The following PKN2 variants were observed in gnomAD, a reference collection of about 807,000 sequenced individuals.
PKN2 encodes serine/threonine-protein kinase N2.
A neutral mutation model predicts 119.1 loss-of-function variants in PKN2; 38 were observed. That is an observed-to-expected ratio of 0.32 (90% CI 0.25 to 0.42). The LOEUF (loss-of-function observed/expected upper bound fraction) is 0.42, where lower values mean the gene tolerates loss of function less well. PKN2 is among the 10% of genes least tolerant of loss of function. PKN2 has a pLI of 1.00. For missense variants in PKN2, 850 were observed against 1,165.1 expected (o/e 0.73, Z 3.94); for synonymous variants, 390 against 384.9 (o/e 1.01, Z -0.15).
rs1165525380 is a variant in PKN2 at position 88,805,918 on chromosome 1, T to C, written c.1704T>C (p.Phe568=). The C allele has an allele frequency of 1.7e-5, 28 of 1,613,974 alleles. No homozygotes were observed. Among genetic ancestry groups the C allele is most frequent in the Non-Finnish European group, 2.4e-5 (28 of 1,179,940 alleles). The change falls in exon 12 of 22, where the codon TTT becomes TTC. Residue 568 remains phenylalanine (F), a synonymous_variant. Coordinates refer to ENST00000370521, the MANE Select transcript of PKN2 (RefSeq NM_006256.4). The part of the protein sequence containing the change: ...ASDSTVTKLD[F]DLEPEPPPAP... ...ATTCTACAGTAACCAAATTGGACTT[T>C]GATCTTGAGCCTGAACCTCCTCCAG...
chr1:88,721,367 T>A (rs1667675570), intron 1 of PKN2, among the ~76,000 whole-genome samples: 1 of 152,110 alleles, frequency 6.6e-6, no homozygotes, highest in South Asian at 2.1e-4. Flanking sequence ...TTTTTGACCC[T>A]TTGTTCTTAA....
chr1:88,717,441 G>A (rs1259283109), intron 1 of PKN2, among the ~76,000 whole-genome samples: 22 of 151,994 alleles, frequency 1.4e-4, no homozygotes, highest in Non-Finnish European at 2.8e-4. Context: ...CCAATCAGAC[G>A]TAGATTTGGT....
chr1:88,786,691 T>G (rs1054395375), intron 8 of PKN2, among the ~76,000 whole-genome samples: 7 of 152,170 alleles, frequency 4.6e-5, no homozygotes, highest in Admixed American at 4.6e-4. Context: ...TGGTCCACAG[T>G]AGATTTAAAT....
chr1:88,803,660 T>C (rs913577127), intron 8 of PKN2, among the ~76,000 whole-genome samples: 8 of 152,214 alleles, frequency 5.3e-5, no homozygotes, highest in Non-Finnish European at 8.8e-5. Context: ...ATTTTCAGTG[T>C]CTACTGTGTA....
At position 88,820,165 on chromosome 1, in the gene PKN2, A is replaced by T. The variant is rs186177727; in HGVS notation, c.2280-1776A>T. Among the ~76,000 whole-genome samples, 1,105 of 134,176 alleles carry T rather than the reference A, an allele frequency of 8.2e-3. 38 individuals carry two copies. Among genetic ancestry groups the T allele is most frequent in the African/African-American group, 0.031 (1,054 of 33,740 alleles). The allele number at this position is 134,176 out of a possible 152,430, so 88.0% of individuals were successfully genotyped here. A position where few individuals can be genotyped will look rare whatever the true frequency, so the allele number is the denominator to read the frequency against. Reference sequence around the variant, plus strand: ...AATTTAAAAGTAAATAAATCAAACAAATCTTTTCAGAAACCTATATATATA... The same window carrying T: ...AATTTAAAAGTAAATAAATCAAACATATCTTTTCAGAAACCTATATATATA... On this transcript the variant is annotated intron_variant, in intron 16 of 21. Transcript: ENST00000370521.
At chr1:88,762,192 G>T (rs941168828) in intron 3 of PKN2, among the ~76,000 whole-genome samples, 9 of 152,126 alleles carry the variant, frequency 5.9e-5, no homozygotes, top group African/African-American at 2.2e-4. Flanking sequence ...GCTCTAAGTT[G>T]AACAGAGTTA....
intron 4 of PKN2, 115 bp downstream of exon 4, chr1:88,770,584 T>G (rs1048935354): frequency 1.6e-6 from 1 of 627,264 alleles, no homozygotes; most frequent in African/African-American, 1.9e-5. Context: ...TTACTTTTTT[T>G]TTTTTTTCTT....
chr1:88,775,322 C>T (rs1670049799), intron 6 of PKN2, among the ~76,000 whole-genome samples: 1 of 152,168 alleles, frequency 6.6e-6, no homozygotes, highest in Non-Finnish European at 1.5e-5. Flanking sequence ...GTAGTTTTGC[C>T]TTTTCCACAA....
At chr1:88,809,575 C>T (rs1039049418) in intron 15 of PKN2, among the ~76,000 whole-genome samples, 2 of 152,290 alleles carry the variant, frequency 1.3e-5, no homozygotes, top group East Asian at 1.9e-4. Context: ...GTTTGGATCA[C>T]AGGATGATGC....
At chr1:88,693,265 C>T (rs1191676161) in intron 1 of PKN2, among the ~76,000 whole-genome samples, 2 of 152,046 alleles carry the variant, frequency 1.3e-5, no homozygotes, top group African/African-American at 2.4e-5. Context: ...CATTAAAATG[C>T]TGGAGTTGAT....
intron 16 of PKN2, among the ~76,000 whole-genome samples, chr1:88,820,316 C>T (rs1248457506): frequency 2.7e-5 from 4 of 148,536 alleles, no homozygotes; most frequent in African/African-American, 9.9e-5. Flanking sequence ...GGGCAGATCA[C>T]CTGAGGTCGG....
At chr1:88,724,512 T>A (rs1667817490) in intron 1 of PKN2, among the ~76,000 whole-genome samples, 1 of 152,118 alleles carries the variant, frequency 6.6e-6, no homozygotes, top group South Asian at 2.1e-4. Context: ...TAATAATGGA[T>A]CTCATTAAAT....
intron 8 of PKN2, among the ~76,000 whole-genome samples, chr1:88,797,452 G>C (rs1671121174): frequency 6.6e-6 from 1 of 151,528 alleles, no homozygotes; most frequent in African/African-American, 2.4e-5. Context: ...GACCATCCTT[G>C]CCAACATGGT....
chr1:88,778,616 C>A (rs1670201972), intron 6 of PKN2, among the ~76,000 whole-genome samples: 1 of 152,216 alleles, frequency 6.6e-6, no homozygotes, highest in Admixed American at 6.5e-5. Flanking sequence ...TTTACCCCAA[C>A]TGATCCTCTT....
chr1:88,832,703 C>G, intron 19 of PKN2, 41 bp from the exon 20 acceptor site: 1 of 1,201,898 alleles, frequency 8.3e-7, no homozygotes, highest in Admixed American at 2.0e-5. Flanking sequence ...ATTTTACTGC[C>G]TTAAAACTTG....
chr1:88,784,696 G>C lies in PKN2; in HGVS notation c.1043G>C (p.Arg348Pro). The change falls in exon 7 of 22, where the codon CGG becomes CCG. Residue 348 changes from arginine to proline, a missense_variant. Arg to Pro is a moderately radical substitution (Grantham distance 103). This residue lies in a region of PKN2 where 350 missense variants were observed against 511.1 expected (regional missense o/e 0.68). Transcript: ENST00000370521. ...GATATCCTAGAGAATGTCCCTGGAC[G>C]GTCAAAAGCAACATCAGTTGCACTG... ...CQDILENVPG[R>P]SKATSVALPG... 1 of 1,611,462 alleles carries C rather than the reference G, an allele frequency of 6.2e-7. No individual in the cohort carries two copies. The highest frequency in any genetic ancestry group is 8.5e-7 in the Non-Finnish European group (1 of 1,178,564).
intron 3 of PKN2, among the ~76,000 whole-genome samples, chr1:88,760,832 A>G (rs893929535): frequency 3.3e-5 from 5 of 152,134 alleles, no homozygotes; most frequent in Non-Finnish European, 7.4e-5. Context: ...TATTCCTACC[A>G]AGACCCAGTT....
At chr1:88,728,622 A>C (rs1667995988) in intron 1 of PKN2, among the ~76,000 whole-genome samples, 1 of 152,084 alleles carries the variant, frequency 6.6e-6, no homozygotes, top group Admixed American at 6.5e-5. Flanking sequence ...GTTGTTTCCC[A>C]TGGGGGCATG....
intron 1 of PKN2, among the ~76,000 whole-genome samples, chr1:88,692,715 GT>G (rs1666380174): frequency 6.6e-6 from 1 of 151,990 alleles, no homozygotes; most frequent in Non-Finnish European, 1.5e-5. Flanking sequence ...TTTCTTACTA[GT>G]TTATAAGAGT....
Sources: allele counts gnomAD v4.1 joint callset (sites outside exome capture counted in the v4.1 genomes callset), GRCh38; gene constraint gnomAD v4.1.1; regional missense constraint gnomAD v4.1.1; transcripts MANE v1.5; gene names NCBI Gene and HGNC (gene_info 2026-07-23, HGNC 2026-07-21).